CACNA1A: variants seen among roughly 807,000 people sequenced by gnomAD.
The protein encoded by CACNA1A is voltage-dependent P/Q-type calcium channel subunit alpha-1A.
CACNA1A carries 57 observed loss-of-function variants against 262.4 expected under a neutral mutation model. The ratio of observed to expected loss-of-function variants is 0.22; its 90% CI spans 0.18 to 0.27. The LOEUF is 0.27. Ranked by LOEUF, CACNA1A falls within the 10% of genes least tolerant of loss-of-function variation. The probability of loss-of-function intolerance (pLI) is 1.00; values close to 1 mark genes in which losing one functional copy is unlikely to be tolerated. For missense variants in CACNA1A, 2,526 were observed against 3,562.8 expected, an observed-to-expected ratio of 0.71 and a Z score of 7.41; for synonymous variants, 1,431 against 1,419.3, an observed-to-expected ratio of 1.01 and a Z score of -0.18.
intron 3 of CACNA1A, among the ~76,000 whole-genome samples, chr19:13,397,969 AT>A (rs34855033): frequency 6.7e-5 from 10 of 148,780 alleles, no homozygotes; most frequent in African/African-American, 1.7e-4. Context: ...TTAAGAATAC[AT>A]TTTTTTTTTG....
At position 13,327,503 on chromosome 19, in the gene CACNA1A, G is replaced by A. The variant is rs1600339922; in HGVS notation, c.1345+2741C>T. ...ATTGCTCTCCAGCCTGGGTGCTAGA[G>A]CAAGACTCCATCTCAGAAAAAAAAA... On this transcript the variant is annotated intron_variant, in intron 10 of 46. Transcript: ENST00000360228. Among the ~76,000 whole-genome samples the A allele has an allele frequency of 1.4e-5, 2 of 144,368 alleles. 1 individual carries two copies. Among genetic ancestry groups the A allele is most frequent in the African/African-American group, 5.1e-5 (2 of 38,970 alleles). 94.7% of individuals were successfully genotyped at this position (144,368 alleles called of 152,430 possible). A position where few individuals can be genotyped will look rare whatever the true frequency, so the allele number is the denominator to read the frequency against.
At chr19:13,436,452 G>A (rs903080633) in intron 3 of CACNA1A, among the ~76,000 whole-genome samples, 1 of 152,090 alleles carries the variant, frequency 6.6e-6, no homozygotes, top group Non-Finnish European at 1.5e-5. Context: ...AGCAATGTCT[G>A]GGCAAGCCTA....
chr19:13,210,699 G>A (rs1156302912), intron 43 of CACNA1A, 47 bp from the exon 44 acceptor site: 3 of 1,544,206 alleles, frequency 1.9e-6, no homozygotes, highest in Admixed American at 2.0e-5. Flanking sequence ...ACAGAAAGAA[G>A]AAAATAAATA....
intron 10 of CACNA1A, among the ~76,000 whole-genome samples, chr19:13,321,849 T>G (rs758028958): frequency 1.4e-4 from 22 of 151,926 alleles, no homozygotes; most frequent in Admixed American, 2.6e-4. Flanking sequence ...CTCCTGTATA[T>G]ATTATAAACA....
rs1159183916 is a variant in CACNA1A, at chr19:13,207,234, G to A, written c.*79C>T. 6 of 1,389,900 alleles carry A rather than the reference G, an allele frequency of 4.3e-6. No individual in the cohort carries two copies. In the African/African-American group the frequency reaches 4.6e-5, roughly 11 times the overall value. 86.1% of individuals were successfully genotyped at this position (1,389,900 alleles called of 1,614,324 possible). ...CCCGGGCCCTCTGTGCTGGGCCCCC[G>A]CGGCCTCTGCGCGGCTCCTCGGGTG... On this transcript the variant is annotated 3_prime_UTR_variant, in exon 47 of 47. Transcript: ENST00000360228. The surrounding 1 kb of genome is among the most constrained non-coding windows in gnomAD (Gnocchi z 5.7).
chr19:13,274,654 G>A (rs895846688), intron 24 of CACNA1A: 1 of 152,224 alleles, frequency 6.6e-6, no homozygotes, highest in Non-Finnish European at 1.5e-5. Flanking sequence ...GGGCCCTAAG[G>A]GCTAATGGCC....
intron 3 of CACNA1A, among the ~76,000 whole-genome samples, chr19:13,448,894 A>G (rs1295176343): frequency 6.6e-6 from 1 of 152,254 alleles, no homozygotes; most frequent in Non-Finnish European, 1.5e-5. Flanking sequence ...AAGTCAGGTT[A>G]GAGAAATGTG....
At chr19:13,227,932 G>GAGAC (rs1369404952) in intron 36 of CACNA1A, among the ~76,000 whole-genome samples, 1 of 64,836 alleles carries the variant, frequency 1.5e-5, no homozygotes, top group Non-Finnish European at 2.7e-5. Flanking sequence ...TTTTTTTAAA[G>GAGAC]AGACAGGGTC....
In CACNA1A at chr19:13,208,690, T is replaced by C. The variant is rs906091596; in HGVS notation, c.6780+66A>G. 1.4e-5 allele frequency: 20 copies of C among 1,477,680 alleles called. No homozygotes were observed. In the African/African-American group the frequency reaches 1.9e-4, roughly 14 times the overall value. The allele number at this position is 1,477,680 out of a possible 1,614,324, so 91.5% of individuals were successfully genotyped here. On this transcript the variant is annotated intron_variant, in intron 46 of 46. Transcript: ENST00000360228. The stretch of plus-strand genomic sequence containing the variant: ...TGCCTAGAGTGGCTGTTGGATGGGG[T>C]ATCCCCTTCTCTCCTCCCCGCCTCC...
At position 13,285,176 on chromosome 19, in the gene CACNA1A, G is replaced by A. The variant is rs1568493631; in HGVS notation, c.3584C>T (p.Pro1195Leu). The A allele has an allele frequency of 1.9e-6, 3 of 1,613,662 alleles. No homozygotes were observed. The highest frequency in any genetic ancestry group is 1.7e-6 in the Non-Finnish European group (2 of 1,179,824). The change falls in exon 21 of 47, where the codon CCA becomes CTA. Residue 1195 changes from proline to leucine, a missense_variant. Physicochemically the swap from Pro to Leu is moderately conservative, Grantham distance 98. Transcript: ENST00000360228. ...VNKNANPDPLPKKEEEKKEEE... is the reference protein window; with the variant it reads ...VNKNANPDPLLKKEEEKKEEE... ...CTCCTTCTTCTCTTCCTCTTTTTTT[G>A]GCAGTGGGTCTGGGTTGGCGTTTTT...
At chr19:13,307,926 T>G in intron 14 of CACNA1A, 72 bp from the exon 15 acceptor site, 1 of 1,457,676 alleles carries the variant, frequency 6.9e-7, no homozygotes, top group Non-Finnish European at 9.6e-7. Flanking sequence ...CAGTATCTCA[T>G]CTCCAAGGAA....
chr19:13,278,678 G>A (rs947650765), intron 22 of CACNA1A, among the ~76,000 whole-genome samples: 5 of 152,162 alleles, frequency 3.3e-5, no homozygotes, highest in African/African-American at 9.7e-5. Flanking sequence ...TCACCATGGC[G>A]TCTCCAGCTT....
In CACNA1A at chr19:13,298,639, C is replaced by T; in HGVS notation, c.2994G>A (p.Gly998=). Residue 998 remains glycine, a synonymous_variant, in exon 19 of 47, where the codon GGG becomes GGA. Transcript: ENST00000360228. ...GGEGEGEGPD[G]GERRRRHRHG... is the part of the protein sequence containing the mutation. ...GCCGGTGCCTTCTCCTGCGCTCGCC[C>T]CCGTCGGGGCCCTCGCCCTCGCCCT... The T allele has an allele frequency of 6.6e-7, 1 of 1,520,982 alleles. No individual in the cohort carries two copies. Among genetic ancestry groups the T allele is most frequent in the Non-Finnish European group, 8.8e-7 (1 of 1,134,130 alleles). The allele number at this position is 1,520,982 out of a possible 1,614,324, so 94.2% of individuals were successfully genotyped here. A position where few individuals can be genotyped will look rare whatever the true frequency, so the allele number is the denominator to read the frequency against.
intron 3 of CACNA1A, among the ~76,000 whole-genome samples, chr19:13,437,223 C>G (rs552651868): frequency 3.2e-4 from 48 of 152,152 alleles, no homozygotes; most frequent in Non-Finnish European, 6.5e-4. Flanking sequence ...AGAGCTGTGT[C>G]CAAATCCTGG....
At chr19:13,475,296 T>C (rs151338674) in intron 1 of CACNA1A, among the ~76,000 whole-genome samples, 1 of 152,326 alleles carries the variant, frequency 6.6e-6, no homozygotes, top group African/African-American at 2.4e-5. Context: ...CCCAGGTCTA[T>C]TTTTCTACTC....
At chr19:13,366,837 G>C (rs2059221378) in intron 4 of CACNA1A, among the ~76,000 whole-genome samples, 1 of 152,118 alleles carries the variant, frequency 6.6e-6, no homozygotes, top group African/African-American at 2.4e-5. Flanking sequence ...AGCGGTTGGC[G>C]GTCCCAATTT....
Position 13,476,668 on chromosome 19 carries a change from C to T in CACNA1A, c.294-21456G>A, listed in dbSNP as rs543830301. The stretch of plus-strand genomic sequence containing the variant: ...CATAACAGGGTGACTGTAGTAAGTG[C>T]TGTGGAATTGCACACCTCAAAGTGG... On this transcript the variant is annotated intron_variant, in intron 1 of 46. Transcript: ENST00000360228. Among the ~76,000 whole-genome samples, 3 of 152,234 alleles carry T rather than the reference C, an allele frequency of 2.0e-5. No individual in the cohort carries two copies. The South Asian group carries it at 6.2e-4, about 32-fold the overall frequency.
At chr19:13,341,045 C>T (rs2058668687) in intron 6 of CACNA1A, among the ~76,000 whole-genome samples, 1 of 152,206 alleles carries the variant, frequency 6.6e-6, no homozygotes, top group African/African-American at 2.4e-5. Flanking sequence ...GCACTCCAGC[C>T]TGGGAGACAG....
chr19:13,262,475 G>A (rs550433313), intron 25 of CACNA1A: 1 of 415,746 alleles, frequency 2.4e-6, no homozygotes, highest in East Asian at 4.2e-5. Context: ...ATGCCTTCAT[G>A]CGAATTAGGA....
Sources: gnomAD v4.1 joint callset for allele counts (sites outside exome capture counted in the v4.1 genomes callset) on GRCh38, gnomAD v4.1.1 for gene constraint, Gnocchi (gnomAD v3.1) non-coding constraint, MANE v1.5 for transcripts, NCBI Gene and HGNC (gene_info 2026-07-23, HGNC 2026-07-21) for gene names.